PITPNM2: variants seen among roughly 807,000 people sequenced by gnomAD.
PITPNM2 encodes the protein membrane-associated phosphatidylinositol transfer protein 2.
Under a neutral mutation model 132.2 loss-of-function variants are expected in PITPNM2, and 35 were observed. The observed-to-expected ratio is 0.26, with a 90% CI of 0.20 to 0.35. The LOEUF (loss-of-function observed/expected upper bound fraction) is 0.35. Ranked by LOEUF, PITPNM2 falls within the 10% of genes least tolerant of loss-of-function variation. PITPNM2 has a pLI of 1.00. For missense variants in PITPNM2, 1,332 were observed against 1,912.0 expected, an observed-to-expected ratio of 0.70 and a Z score of 5.66; for synonymous variants, 738 against 799.2, an observed-to-expected ratio of 0.92 and a Z score of 1.29.
intron 3 of PITPNM2, among the ~76,000 whole-genome samples, chr12:123,018,198 T>C (rs2039518265): frequency 6.6e-6 from 1 of 151,860 alleles, no homozygotes; most frequent in Admixed American, 6.6e-5. Flanking sequence ...ACCACCTGAG[T>C]AGCTGAGACT....
intron 10 of PITPNM2, among the ~76,000 whole-genome samples, chr12:122,999,278 G>A (rs1192247070): frequency 6.6e-6 from 1 of 152,154 alleles, no homozygotes; most frequent in Non-Finnish European, 1.5e-5. Context: ...CTTCCCAGGG[G>A]CCAGGGCAGG....
chr12:123,147,004 TTAATA>T (rs2043632111), intron 1 of PITPNM2, among the ~76,000 whole-genome samples: 1 of 152,166 alleles, frequency 6.6e-6, no homozygotes, highest in South Asian at 2.1e-4. Flanking sequence ...GTTCCCCACT[TTAATA>T]TCTGGACCAA....
At chr12:123,063,946 AACAG>A (rs1352263863) in intron 2 of PITPNM2, among the ~76,000 whole-genome samples, 2 of 152,044 alleles carry the variant, frequency 1.3e-5, no homozygotes, top group African/African-American at 2.4e-5. Context: ...GGAATAAATT[AACAG>A]ACAATCAATG....
chr12:123,018,079 T>C (rs12371266), intron 3 of PITPNM2, among the ~76,000 whole-genome samples: 1 of 134,100 alleles, frequency 7.5e-6, no homozygotes, highest in Non-Finnish European at 1.6e-5. Context: ...CTCTCTCTCT[T>C]TCTCTTTCTC....
intron 13 of PITPNM2, 75 bp downstream of exon 13, chr12:122,996,383 C>T (rs1335062238): frequency 2.5e-6 from 4 of 1,572,538 alleles, no homozygotes; most frequent in South Asian, 1.2e-5. Flanking sequence ...GGTGCAGGAA[C>T]AGGCAGGGCA....
chr12:123,116,431 C>T (rs2137393608), intron 1 of PITPNM2, among the ~76,000 whole-genome samples: 1 of 152,220 alleles, frequency 6.6e-6, no homozygotes, highest in African/African-American at 2.4e-5. Context: ...AAGAGGATCA[C>T]TTGAGGCCAG....
At chr12:123,086,366 T>C (rs1024739454) in intron 2 of PITPNM2, among the ~76,000 whole-genome samples, 4 of 152,328 alleles carry the variant, frequency 2.6e-5, no homozygotes, top group Admixed American at 2.6e-4. Context: ...TGTTTGTCTC[T>C]TGGGCTTTTC....
At chr12:123,145,637 T>C (rs1408969216) in intron 1 of PITPNM2, among the ~76,000 whole-genome samples, 1 of 152,080 alleles carries the variant, frequency 6.6e-6, no homozygotes, top group Non-Finnish European at 1.5e-5. Flanking sequence ...TTGTCTTGGG[T>C]TTTTGATTTG....
At chr12:123,041,672 G>A (rs982515266) in intron 2 of PITPNM2, among the ~76,000 whole-genome samples, 3 of 152,168 alleles carry the variant, frequency 2.0e-5, no homozygotes, top group African/African-American at 7.2e-5. Flanking sequence ...GTCGTGACGG[G>A]TTAGACAGAA....
In PITPNM2 at chr12:123,005,290, T is replaced by C. The variant is rs1377557311; in HGVS notation, c.902A>G (p.Lys301Arg). 3.1e-6 allele frequency: 5 copies of C among 1,613,928 alleles called. No individual in the cohort carries two copies. Residue 301 changes from lysine to arginine, a missense_variant, in exon 7 of 26, where the codon AAG becomes AGG. Around this residue, in one of 6 missense-constraint regions of PITPNM2, gnomAD observed 710 missense variants for 911.5 expected, o/e 0.78. Coordinates refer to ENST00000320201, the MANE Select transcript of PITPNM2 (RefSeq NM_020845.3). The surrounding 1 kb of genome is among the most constrained non-coding windows in gnomAD (Gnocchi z 6.2). ...NGEPLVGRGLKKQWSTSSKSS... is the reference protein window; with the variant it reads ...NGEPLVGRGLRKQWSTSSKSS... ...CTTGGAGGATGTGGACCACTGTTTC[T>C]TGAGGCCGCGCCCCACTAGGGGCTC...
At chr12:123,133,240 A>G (rs1377369965) in intron 1 of PITPNM2, among the ~76,000 whole-genome samples, 1 of 152,222 alleles carries the variant, frequency 6.6e-6, no homozygotes, top group East Asian at 1.9e-4. Flanking sequence ...GAAATTTTAG[A>G]GGCAGGGAAG....
rs1295319962 is a variant in PITPNM2, at chr12:122,985,379, G to A, written c.*648C>T. ...TCCAGGCGGGGCAGGCAGACAGGTG[G>A]GCAGGGTCCGGGGTGCAGAAATTAA... On this transcript the variant is annotated 3_prime_UTR_variant, in exon 26 of 26. Transcript: ENST00000320201. 1 of 152,300 alleles carries A rather than the reference G, an allele frequency of 6.6e-6. No individual in the cohort carries two copies. The highest frequency in any genetic ancestry group is 1.9e-4 in the East Asian group (1 of 5,168). 9.4% of individuals were successfully genotyped at this position (152,300 alleles called of 1,614,324 possible).
intron 5 of PITPNM2, 94 bp downstream of exon 5, chr12:123,012,519 T>C (rs2039252441): frequency 6.7e-7 from 1 of 1,486,526 alleles, no homozygotes; most frequent in Non-Finnish European, 9.2e-7. Flanking sequence ...AGGTCTGGAG[T>C]CTACCAGGTG....
intron 1 of PITPNM2, among the ~76,000 whole-genome samples, chr12:123,122,550 T>C (rs1392387476): frequency 6.6e-6 from 1 of 152,180 alleles, no homozygotes; most frequent in African/African-American, 2.4e-5. Flanking sequence ...CCTGGTCACA[T>C]CTGAGCTCCC....
chr12:123,063,903 C>T (rs901101260), intron 2 of PITPNM2, among the ~76,000 whole-genome samples: 2 of 152,130 alleles, frequency 1.3e-5, no homozygotes, highest in Non-Finnish European at 2.9e-5. Flanking sequence ...TGGACCTAGT[C>T]CAATACCACA....
At chr12:123,122,298 A>G (rs2043047703) in intron 1 of PITPNM2, among the ~76,000 whole-genome samples, 1 of 152,098 alleles carries the variant, frequency 6.6e-6, no homozygotes, top group Non-Finnish European at 1.5e-5. Flanking sequence ...CCCCGTCCCT[A>G]CTAAAATACA....
rs980032943 is a variant in PITPNM2 at position 123,111,552 on chromosome 12, G to C, written c.-199-1064C>G. 1.3e-5 allele frequency among the ~76,000 whole-genome samples: 2 copies of C among 152,250 alleles called. No individual in the cohort carries two copies. The highest frequency in any genetic ancestry group is 4.8e-5 in the African/African-American group (2 of 41,462). On this transcript the variant is annotated intron_variant, in intron 1 of 25. Transcript: ENST00000320201. This position sits in a 1 kb window ranked among gnomAD's most constrained non-coding sequence, Gnocchi z 4.1. ...AGACAGAGGAGGGAGAGTGGAATTG[G>C]GGAGGTGTGAAGATAGCTAGCAATA...
At position 123,009,773 on chromosome 12, in the gene PITPNM2, GAGGCAGAC is replaced by G; in HGVS notation, c.643+69_643+76del. ...CTCCCAGGCAGACATGCAAAGAGAG[GAGGCAGAC>G]AGGCAGGTGACAGGAGACAGAGGGG... On this transcript the variant is annotated intron_variant, in intron 6 of 25. Coordinates refer to ENST00000320201, the MANE Select transcript of PITPNM2 (RefSeq NM_020845.3). The surrounding 1 kb of genome is among the most constrained non-coding windows in gnomAD (Gnocchi z 4.8). The G allele has an allele frequency of 7.5e-7, 1 of 1,334,778 alleles. No individual in the cohort carries two copies. The highest frequency in any genetic ancestry group is 1.1e-6 in the Non-Finnish European group (1 of 932,876). The allele number at this position is 1,334,778 out of a possible 1,614,324, so 82.7% of individuals were successfully genotyped here. A position where few individuals can be genotyped will look rare whatever the true frequency, so the allele number is the denominator to read the frequency against.
chr12:123,138,418 C>T (rs141840187), intron 1 of PITPNM2, among the ~76,000 whole-genome samples: 34 of 152,108 alleles, frequency 2.2e-4, no homozygotes, highest in Admixed American at 2.2e-3. Context: ...ACTGCACAAG[C>T]AACAGAGAGA....
Sources: allele counts gnomAD v4.1 joint callset (sites outside exome capture counted in the v4.1 genomes callset), GRCh38; gene constraint gnomAD v4.1.1; regional missense constraint gnomAD v4.1.1; non-coding constraint Gnocchi (gnomAD v3.1); transcripts MANE v1.5; gene names NCBI Gene and HGNC (gene_info 2026-07-23, HGNC 2026-07-21).